The following KDM1A variants were observed in gnomAD, a reference collection of about 807,000 sequenced individuals.
KDM1A encodes the protein lysine demethylase 1A, also known as lysine-specific histone demethylase 1A.
Under a neutral mutation model 109.4 loss-of-function variants are expected in KDM1A, and 49 were observed. That is an observed-to-expected ratio of 0.45 (90% CI 0.36 to 0.57). The LOEUF (loss-of-function observed/expected upper bound fraction) is 0.57. Among genes scored for constraint, KDM1A ranks in the 20% least tolerant of loss-of-function variants. The probability of loss-of-function intolerance (pLI) is 0.00; values close to 1 mark genes in which losing one functional copy is unlikely to be tolerated. For missense variants in KDM1A, 668 were observed against 1,116.6 expected (o/e 0.60, Z 5.73); for synonymous variants, 380 against 415.4 (o/e 0.91, Z 1.04).
At position 23,050,600 on chromosome 1, in the gene KDM1A, A is replaced by G. The variant is rs981481436; in HGVS notation, c.711+80A>G. 3.7e-5 allele frequency: 43 copies of G among 1,174,784 alleles called. No homozygotes were observed. The African/African-American group carries it at 6.4e-4, about 17-fold the overall frequency. The allele number at this position is 1,174,784 out of a possible 1,614,324, so 72.8% of individuals were successfully genotyped here. A position where few individuals can be genotyped will look rare whatever the true frequency, so the allele number is the denominator to read the frequency against. ...GATAGAGAATATGGGAAAAATAAAA[A>G]GAGAAGAAAGAATTCTAAAATTATC... On this transcript the variant is annotated intron_variant, in intron 4 of 20. Transcript: ENST00000400181.
chr1:23,050,543 TCACCTG>T, intron 4 of KDM1A, 23 bp downstream of exon 4: 1 of 1,578,682 alleles, frequency 6.3e-7, no homozygotes, highest in Non-Finnish European at 8.6e-7. Context: ...TTCAGCTTTT[TCACCTG>T]GATTATAAAA....
chr1:23,052,429 G>A (rs1196520794), intron 4 of KDM1A, among the ~76,000 whole-genome samples: 1 of 152,182 alleles, frequency 6.6e-6, no homozygotes, highest in Non-Finnish European at 1.5e-5. Flanking sequence ...TAGAGTATCT[G>A]TGTGGATTTG....
chr1:23,022,460 C>T (rs1366893122), intron 1 of KDM1A, among the ~76,000 whole-genome samples: 4 of 151,574 alleles, frequency 2.6e-5, no homozygotes, highest in South Asian at 2.1e-4. Context: ...CTCAGCCTCC[C>T]GAGTAGCTGG....
rs1347740527 is a variant in KDM1A at position 23,019,545 on chromosome 1, G to C, written c.-52G>C. The C allele has an allele frequency of 1.1e-5, 15 of 1,343,484 alleles. No homozygotes were observed. The highest frequency in any genetic ancestry group is 2.8e-5 in the East Asian group (1 of 35,394). 83.2% of individuals were successfully genotyped at this position (1,343,484 alleles called of 1,614,324 possible). ...GCGAGGCAAGGCTTTTCGGACCCAC[G>C]GAGCGACAGAGCGAGCGGCCCCTAC... On this transcript the variant is annotated 5_prime_UTR_variant, in exon 1 of 21. Coordinates refer to ENST00000400181, the MANE Select transcript of KDM1A (RefSeq NM_001009999.3).
In KDM1A at chr1:23,082,366, G is replaced by C; in HGVS notation, c.2445G>C (p.Gln815His). ...GCCCCTCGATTCCAGGTGCCCCACA[G>C]GTGAGAAGCTGGCAAACTATCTGGG... ...TPGPSIPGAP[Q>H]PIPRLFFAGE... The change falls in exon 20 of 21, where the codon CAG (glutamine) becomes CAC (histidine). Residue 815 changes from glutamine to histidine, a missense_variant and splice_region_variant. Transcript: ENST00000400181. The C allele has an allele frequency of 6.2e-7, 1 of 1,611,004 alleles. No homozygotes were observed. The highest frequency in any genetic ancestry group is 8.5e-7 in the Non-Finnish European group (1 of 1,178,386).
intron 16 of KDM1A, 74 bp from the exon 17 acceptor site, chr1:23,078,916 G>T: frequency 7.9e-7 from 1 of 1,264,568 alleles, no homozygotes; most frequent in Non-Finnish European, 1.1e-6. Context: ...TCCATCTGTT[G>T]TACACTAAAT....
intron 8 of KDM1A, 198 bp downstream of exon 8, chr1:23,057,763 A>G (rs1642875647): frequency 2.8e-6 from 1 of 358,746 alleles, no homozygotes; most frequent in African/African-American, 2.2e-5. Context: ...CTAGGAAATT[A>G]TCATATGAAG....
chr1:23,083,356 A>G lies in KDM1A; in HGVS notation c.2623A>G (p.Ser875Gly), dbSNP rs1400572301. The change falls in exon 21 of 21, where the codon AGC (serine) becomes GGC (glycine). Residue 875 changes from serine (S) to glycine (G), a missense_variant. This residue lies in a region of KDM1A where 69 missense variants were observed against 99.6 expected (regional missense o/e 0.69). Transcript: ENST00000400181. ...AGGTGTTCCTGCACAGCAGTCCCCA[A>G]GCATGTGAGACAGATGCATTCTAAG... The part of the protein sequence containing the change: ...TPGVPAQQSP[S>G]M 3.1e-6 allele frequency: 5 copies of G among 1,612,584 alleles called. No homozygotes were observed. Among genetic ancestry groups the G allele is most frequent in the South Asian group, 1.1e-5 (1 of 90,934 alleles).
chr1:23,060,185 T>C (rs1462088650), intron 9 of KDM1A, among the ~76,000 whole-genome samples: 1 of 152,202 alleles, frequency 6.6e-6, no homozygotes, highest in African/African-American at 2.4e-5. Flanking sequence ...AGAGATGAAC[T>C]CAACAATTGA....
At chr1:23,020,521 C>T (rs1438712576) in intron 1 of KDM1A, 1 of 150,690 alleles carries the variant, frequency 6.6e-6, no homozygotes, top group African/African-American at 2.4e-5. Context: ...TCTCAGCGAT[C>T]TTTTGGCGCA....
rs748401169 is a variant in KDM1A at position 23,071,373 on chromosome 1, A to G, written c.1548+14A>G. The G allele has an allele frequency of 6.3e-7, 1 of 1,577,926 alleles. No individual in the cohort carries two copies. The highest frequency in any genetic ancestry group is 2.2e-5 in the East Asian group (1 of 44,496). On this transcript the variant is annotated intron_variant, in intron 13 of 20. Coordinates refer to ENST00000400181, the MANE Select transcript of KDM1A (RefSeq NM_001009999.3). ...GCCCTATGCAAGGTGTGGTATACAT[A>G]CATGCCTAACTGGTTTTACTTGGAA...
chr1:23,029,361 A>G (rs1641906764), intron 1 of KDM1A, among the ~76,000 whole-genome samples: 1 of 152,196 alleles, frequency 6.6e-6, no homozygotes, highest in Non-Finnish European at 1.5e-5. Flanking sequence ...TTGATTCCAT[A>G]ATAATTAGCT....
At chr1:23,045,428 G>A (rs10489564) in intron 3 of KDM1A, among the ~76,000 whole-genome samples, 7,991 of 152,258 alleles carry the variant, frequency 0.052, 685 homozygotes, top group African/African-American at 0.18. Context: ...AGGGGATCCA[G>A]AATGTTAGGA....
chr1:23,053,905 G>T (rs1642747831), intron 5 of KDM1A, 66 bp downstream of exon 5: 2 of 837,726 alleles, frequency 2.4e-6, no homozygotes, highest in African/African-American at 3.4e-5. Context: ...TCTTCTAGGA[G>T]CCTCATGGTT....
At chr1:23,029,206 G>GT (rs1272040276) in intron 1 of KDM1A, among the ~76,000 whole-genome samples, 12 of 152,042 alleles carry the variant, frequency 7.9e-5, no homozygotes, top group African/African-American at 2.7e-4. Flanking sequence ...AAGTTAAAAT[G>GT]TATTACATTC....
intron 15 of KDM1A, among the ~76,000 whole-genome samples, chr1:23,076,713 T>C (rs1484385468): frequency 1.3e-5 from 2 of 152,114 alleles, no homozygotes; most frequent in Non-Finnish European, 2.9e-5. Context: ...GGCTCATGCC[T>C]GTAATACCAG....
chr1:23,055,797 T>A (rs1159131338), intron 6 of KDM1A, 135 bp from the exon 7 acceptor site: 1 of 436,248 alleles, frequency 2.3e-6, no homozygotes, highest in Non-Finnish European at 4.0e-6. Flanking sequence ...AGTTTCCATA[T>A]TTTGAAAATA....
chr1:23,072,074 G>A, intron 13 of KDM1A, 50 bp from the exon 14 acceptor site: 1 of 1,099,032 alleles, frequency 9.1e-7, no homozygotes, highest in Non-Finnish European at 1.4e-6. Flanking sequence ...AAGAAACTAG[G>A]TGGATATCTG....
chr1:23,055,262 A>G (rs558287397), intron 6 of KDM1A, 101 bp downstream of exon 6: 2 of 502,168 alleles, frequency 4.0e-6, no homozygotes, highest in East Asian at 6.3e-5. Flanking sequence ...ATTTTGATTC[A>G]TAAGACTATA....
Sources: gnomAD v4.1 joint callset for allele counts (sites outside exome capture counted in the v4.1 genomes callset) on GRCh38, gnomAD v4.1.1 for gene constraint, gnomAD v4.1.1 regional missense constraint, MANE v1.5 for transcripts, NCBI Gene and HGNC (gene_info 2026-07-23, HGNC 2026-07-21) for gene names.